The following COX7B2 variants were observed in gnomAD, a reference collection of about 807,000 sequenced individuals.
COX7B2 encodes the protein cytochrome c oxidase subunit 7B2, mitochondrial.
For synonymous variants in COX7B2, 37 were observed against 32.1 expected (o/e 1.15, Z -0.51); for missense variants, 109 against 95.9 (o/e 1.14, Z -0.57).
chr4:46,878,009 A>C (rs2109839359), intron 1 of COX7B2, among the ~76,000 whole-genome samples: 1 of 147,952 alleles, frequency 6.8e-6, no homozygotes, highest in African/African-American at 2.5e-5. Context: ...GAATAAAGAA[A>C]TTGTAGTGCA....
chr4:46,880,827 A>G (rs1303238851), intron 1 of COX7B2, among the ~76,000 whole-genome samples: 1 of 110,714 alleles, frequency 9.0e-6, no homozygotes, highest in Non-Finnish European at 1.7e-5. Flanking sequence ...GGAATATCAC[A>G]CTCTGGGGAC....
chr4:46,823,240 T>A lies in COX7B2; in HGVS notation c.-50+21720A>T, dbSNP rs1052459731. On this transcript the variant is annotated intron_variant, in intron 2 of 2. Coordinates refer to ENST00000355591, the MANE Select transcript of COX7B2 (RefSeq NM_130902.3). The stretch of plus-strand genomic sequence containing the variant: ...CCGGATACATCACCACTATTTATCT[T>A]ATACAATAAAAGCCTTGATCTGTAG... Among the ~76,000 whole-genome samples the A allele has an allele frequency of 1.8e-4, 28 of 152,044 alleles. 1 individual carries two copies. Among genetic ancestry groups the A allele is most frequent in the South Asian group, 8.3e-4 (4 of 4,824 alleles).
At chr4:46,875,237 G>A (rs898657470) in intron 1 of COX7B2, among the ~76,000 whole-genome samples, 1 of 152,070 alleles carries the variant, frequency 6.6e-6, no homozygotes, top group Non-Finnish European at 1.5e-5. Flanking sequence ...TACTAAACAA[G>A]GAAATTAAAG....
At chr4:46,861,239 T>A (rs150739978) in intron 1 of COX7B2, among the ~76,000 whole-genome samples, 1 of 152,300 alleles carries the variant, frequency 6.6e-6, no homozygotes, top group African/African-American at 2.4e-5. Context: ...TGTTTGCTGG[T>A]GAATGCAGTT....
chr4:46,906,251 A>T (rs1485110969), intron 1 of COX7B2, among the ~76,000 whole-genome samples: 1 of 152,136 alleles, frequency 6.6e-6, no homozygotes, highest in Admixed American at 6.5e-5. Flanking sequence ...CAGCTGGAAA[A>T]TCACTCTCAG....
At chr4:46,768,529 G>C (rs1038636598) in intron 2 of COX7B2, among the ~76,000 whole-genome samples, 1 of 152,102 alleles carries the variant, frequency 6.6e-6, no homozygotes, top group African/African-American at 2.4e-5. Context: ...CTAATTTAGG[G>C]CCATAGGTCT....
chr4:46,905,770 T>TATCTTACA (rs1318854830), intron 1 of COX7B2, among the ~76,000 whole-genome samples: 1 of 150,370 alleles, frequency 6.7e-6, no homozygotes, highest in African/African-American at 2.4e-5. Context: ...AGGTGGACTC[T>TATCTTACA]ATCTTACAAA....
intron 1 of COX7B2, among the ~76,000 whole-genome samples, chr4:46,903,208 T>A (rs1489305922): frequency 6.6e-6 from 1 of 152,208 alleles, no homozygotes; most frequent in Non-Finnish European, 1.5e-5. Flanking sequence ...CAAATTTTCA[T>A]GCCCTTATGA....
chr4:46,861,342 G>A (rs1717323739), intron 1 of COX7B2, among the ~76,000 whole-genome samples: 1 of 152,120 alleles, frequency 6.6e-6, no homozygotes, highest in South Asian at 2.1e-4. Flanking sequence ...ACTGTGTACT[G>A]ACTATTCTTG....
At chr4:46,803,457 T>C (rs1193471477) in intron 2 of COX7B2, among the ~76,000 whole-genome samples, 5 of 152,178 alleles carry the variant, frequency 3.3e-5, no homozygotes, top group Admixed American at 2.0e-4. Context: ...AATGATCTAG[T>C]TGGCATGCTT....
intron 1 of COX7B2, among the ~76,000 whole-genome samples, chr4:46,866,528 T>C (rs926963640): frequency 6.6e-6 from 1 of 152,166 alleles, no homozygotes; most frequent in Admixed American, 6.5e-5. Context: ...TCACCATTGC[T>C]CCTCTGAGGG....
chr4:46,749,376 G>A (rs912492712), intron 2 of COX7B2, among the ~76,000 whole-genome samples: 1 of 151,864 alleles, frequency 6.6e-6, no homozygotes, highest in African/African-American at 2.4e-5. Flanking sequence ...TTCTTTAAAT[G>A]GTCTTTCCAC....
At chr4:46,814,647 G>C (rs1217182948) in intron 2 of COX7B2, among the ~76,000 whole-genome samples, 1 of 152,186 alleles carries the variant, frequency 6.6e-6, no homozygotes. Context: ...GACAGTAAGT[G>C]ATGATAAGCT....
intron 2 of COX7B2, among the ~76,000 whole-genome samples, chr4:46,762,947 T>C (rs925515682): frequency 1.6e-5 from 2 of 123,218 alleles, no homozygotes; most frequent in African/African-American, 6.1e-5. Flanking sequence ...ACCACATATA[T>C]ATGTCATATA....
intron 2 of COX7B2, among the ~76,000 whole-genome samples, chr4:46,757,460 C>T (rs1715871008): frequency 1.3e-5 from 2 of 152,042 alleles, no homozygotes; most frequent in Non-Finnish European, 2.9e-5. Context: ...AAATTTACTA[C>T]AATAAGTTAT....
chr4:46,775,714 A>G (rs989134128), intron 2 of COX7B2, among the ~76,000 whole-genome samples: 2 of 152,258 alleles, frequency 1.3e-5, no homozygotes, highest in Non-Finnish European at 2.9e-5. Flanking sequence ...ATGGGGTTCA[A>G]TGGGGCTAAA....
intron 1 of COX7B2, among the ~76,000 whole-genome samples, chr4:46,888,005 C>T (rs1188055724): frequency 2.0e-5 from 3 of 152,186 alleles, no homozygotes; most frequent in African/African-American, 4.8e-5. Flanking sequence ...AATGAAAGAC[C>T]TGCTTGCTGT....
At chr4:46,903,275 A>T (rs1426268505) in intron 1 of COX7B2, among the ~76,000 whole-genome samples, 1 of 152,198 alleles carries the variant, frequency 6.6e-6, no homozygotes, top group East Asian at 1.9e-4. Context: ...ATAAAACATC[A>T]TGATGAATTT....
intron 2 of COX7B2, among the ~76,000 whole-genome samples, chr4:46,767,340 G>A (rs1577681602): frequency 6.6e-6 from 1 of 152,154 alleles, no homozygotes; most frequent in Non-Finnish European, 1.5e-5. Flanking sequence ...TGCACTCTAA[G>A]TCAGATTACC....
Sources: allele counts gnomAD v4.1 joint callset (sites outside exome capture counted in the v4.1 genomes callset), GRCh38; gene constraint gnomAD v4.1.1; transcripts MANE v1.5; gene names NCBI Gene and HGNC (gene_info 2026-07-23, HGNC 2026-07-21).